The following XAB2 variants were observed in gnomAD, a reference collection of about 807,000 sequenced individuals.
XAB2 encodes the protein XPA binding protein 2.
XAB2 carries 57 observed loss-of-function variants against 113.4 expected under a neutral mutation model. That is an observed-to-expected ratio of 0.50 (90% CI 0.41 to 0.63). The LOEUF is 0.63. Ranked by LOEUF, XAB2 falls within the 20% of genes least tolerant of loss-of-function variation. The probability of loss-of-function intolerance (pLI) is 0.00; values close to 1 mark genes in which losing one functional copy is unlikely to be tolerated. For synonymous variants in XAB2, 497 were observed against 498.8 expected (o/e 1.00, Z 0.05); for missense variants, 1,037 against 1,233.3 (o/e 0.84, Z 2.38).
Position 7,628,128 on chromosome 19 carries a change from G to A in XAB2, c.200+22C>T. The A allele has an allele frequency of 6.2e-7, 1 of 1,604,570 alleles. No individual in the cohort carries two copies. Among genetic ancestry groups the A allele is most frequent in the Non-Finnish European group, 8.5e-7 (1 of 1,175,734 alleles). On this transcript the variant is annotated intron_variant, in intron 2 of 18. Transcript: ENST00000358368. The surrounding 1 kb of genome is among the most constrained non-coding windows in gnomAD (Gnocchi z 4.6). The stretch of plus-strand genomic sequence containing the variant: ...CAGGTGGGGTGGGGGCTGGTGGGCA[G>A]GGCAGCTGGAGCCATTCCCACCTGC...
rs1371532670 is a variant in XAB2, at chr19:7,620,022, G to A, written c.2320C>T (p.Gln774Ter). 1 of 1,612,534 alleles carries A rather than the reference G, an allele frequency of 6.2e-7. No individual in the cohort carries two copies. Among genetic ancestry groups the A allele is most frequent in the Non-Finnish European group, 8.5e-7 (1 of 1,179,974 alleles). Residue 774 changes from glutamine (Q) to a stop codon, truncating the protein, a stop_gained, in exon 17 of 19, where the codon CAG (glutamine) becomes TAG (stop). Transcript: ENST00000358368. LOFTEE classifies it high-confidence loss of function. ...TCAGCCGCCAGCTGCTCTGCCCGCT[G>A]TTCCAGCAGCTTCATGTCGTCCATG... ...SGMDDMKLLE[Q>*]RAEQLAAEAE...
rs769974426 is a variant in XAB2, at chr19:7,624,315, C to T, written c.953G>A (p.Gly318Glu). 9 of 1,613,888 alleles carry T rather than the reference C, an allele frequency of 5.6e-6. No individual in the cohort carries two copies. Among genetic ancestry groups the T allele is most frequent in the South Asian group, 2.2e-5 (2 of 91,088 alleles). ...CAGAGGCTCACCCTCCTCCTCGCGC[C>T]CCAGCTCCGAGGCGGTCTCCATCTT... is the stretch of plus-strand genomic sequence containing the variant. ...AAKMETASEL[G>E]REEEDDVDLE... Residue 318 changes from glycine (G) to glutamate (E), a missense_variant, in exon 7 of 19, where the codon GGG (glycine) becomes GAG (glutamate). By Grantham distance (98) the Gly-to-Glu change is moderately conservative. Coordinates refer to ENST00000358368, the MANE Select transcript of XAB2 (RefSeq NM_020196.3). The surrounding 1 kb of genome is among the most constrained non-coding windows in gnomAD (Gnocchi z 4.2).
At position 7,627,139 on chromosome 19, in the gene XAB2, T is replaced by C. The variant is rs1417225087; in HGVS notation, c.522+104A>G. The C allele has an allele frequency of 2.3e-6, 3 of 1,329,768 alleles. No individual in the cohort carries two copies. Among genetic ancestry groups the C allele is most frequent in the Non-Finnish European group, 3.1e-6 (3 of 958,400 alleles). 82.4% of individuals were successfully genotyped at this position (1,329,768 alleles called of 1,614,324 possible). A position where few individuals can be genotyped will look rare whatever the true frequency, so the allele number is the denominator to read the frequency against. On this transcript the variant is annotated intron_variant, in intron 4 of 18. Transcript: ENST00000358368. This position sits in a 1 kb window ranked among gnomAD's most constrained non-coding sequence, Gnocchi z 4.5. ...AAACACATGCATCTCCAGGAGCCTC[T>C]TCCCACATCCCGTCTGCTGGGTGAC...
In XAB2 at chr19:7,620,834, C is replaced by T. The variant is rs547164043; in HGVS notation, c.1971+12G>A. ...GACCTCTGGCCCCGGCCCAGCCCCC[C>T]ACGGTGGGTACCTCAATGGCCTTCT... is the stretch of plus-strand genomic sequence containing the variant. On this transcript the variant is annotated intron_variant, in intron 14 of 18. Coordinates refer to ENST00000358368, the MANE Select transcript of XAB2 (RefSeq NM_020196.3). 1.3e-5 allele frequency: 21 copies of T among 1,571,776 alleles called. No homozygotes were observed. The Middle Eastern group carries it at 6.8e-4, about 51-fold the overall frequency.
intron 13 of XAB2, 27 bp downstream of exon 13, chr19:7,621,108 C>T (rs765691819): frequency 3.3e-6 from 5 of 1,536,620 alleles, no homozygotes; most frequent in African/African-American, 2.7e-5. Flanking sequence ...CGCCCGCCAC[C>T]CCCCCCATGC....
chr19:7,621,750 TC>T, intron 12 of XAB2: 1 of 186,170 alleles, frequency 5.4e-6, no homozygotes. Flanking sequence ...GACATGGCCT[TC>T]CCACGGACAC....
chr19:7,624,365 C>T lies in XAB2; in HGVS notation c.903G>A (p.Gln301=). The T allele has an allele frequency of 6.2e-7, 1 of 1,614,210 alleles. No homozygotes were observed. The highest frequency in any genetic ancestry group is 1.1e-5 in the South Asian group (1 of 91,092). ...DFTQVFDSYA[Q]FEESMIAAKM... ...TTGCAGCGATCATGCTCTCCTCGAA[C>T]TGGGCGTAGCTGTCAAACACCTGTG... The change falls in exon 7 of 19, where the codon CAG becomes CAA. Residue 301 remains glutamine, a synonymous_variant. Transcript: ENST00000358368. This position sits in a 1 kb window ranked among gnomAD's most constrained non-coding sequence, Gnocchi z 4.2.
Position 7,621,411 on chromosome 19 carries a change from TTCCCTGTCCACGCC to T in XAB2, c.1618-128_1618-115del, listed in dbSNP as rs2031031683. 3.3e-6 allele frequency: 4 copies of T among 1,223,950 alleles called. No homozygotes were observed. The South Asian group carries it at 5.4e-5, about 17-fold the overall frequency. The allele number at this position is 1,223,950 out of a possible 1,614,324, so 75.8% of individuals were successfully genotyped here. On this transcript the variant is annotated intron_variant, in intron 12 of 18. Coordinates refer to ENST00000358368, the MANE Select transcript of XAB2 (RefSeq NM_020196.3). The stretch of plus-strand genomic sequence containing the variant: ...CCTGCCAGGAACTCCCTTGGGGCCC[TTCCCTGTCCACGCC>T]TCCCTGTCCCTAATGGCAGTTGTGG...
chr19:7,621,167 G>A lies in XAB2; in HGVS notation c.1748C>T (p.Ala583Val), dbSNP rs1599370443. ...ATATTTTGGGGGGCAGCCGTCCAGA[G>A]CCTGTTCAAACAGGTCCCGTGCCCG... is the stretch of plus-strand genomic sequence containing the variant. Reference protein sequence around the residue: ...LERARDLFEQALDGCPPKYAK... With the variant: ...LERARDLFEQVLDGCPPKYAK... The change falls in exon 13 of 19, where the codon GCT becomes GTT. Residue 583 changes from alanine to valine, a missense_variant. Physicochemically the swap from Ala to Val is moderately conservative, Grantham distance 64. Transcript: ENST00000358368. The A allele has an allele frequency of 6.2e-7, 1 of 1,610,762 alleles. No individual in the cohort carries two copies. Among genetic ancestry groups the A allele is most frequent in the Non-Finnish European group, 8.5e-7 (1 of 1,179,256 alleles).
intron 12 of XAB2, 156 bp from the exon 13 acceptor site, chr19:7,621,453 G>A (rs982373484): frequency 1.4e-5 from 11 of 769,602 alleles, no homozygotes; most frequent in Non-Finnish European, 2.3e-5. Flanking sequence ...AGTTGTGGGG[G>A]TCTGTCCTCT....
intron 12 of XAB2, 149 bp from the exon 13 acceptor site, chr19:7,621,446 T>G (rs2031032172): frequency 2.5e-6 from 2 of 802,836 alleles, no homozygotes; most frequent in Non-Finnish European, 4.0e-6. Flanking sequence ...TAATGGCAGT[T>G]GTGGGGGTCT....
Position 7,624,197 on chromosome 19 carries a change from C to T in XAB2, c.967+104G>A, listed in dbSNP as rs1255946719. 8 of 1,560,510 alleles carry T rather than the reference C, an allele frequency of 5.1e-6. No individual in the cohort carries two copies. Among genetic ancestry groups the T allele is most frequent in the Non-Finnish European group, 6.9e-6 (8 of 1,152,624 alleles). ...CACTCAGCCTCCTTCCCTGCTGGCC[C>T]CCAGCTGAGCCTCCCAGGGCTGCCT... On this transcript the variant is annotated intron_variant, in intron 7 of 18. Coordinates refer to ENST00000358368, the MANE Select transcript of XAB2 (RefSeq NM_020196.3). The surrounding 1 kb of genome is among the most constrained non-coding windows in gnomAD (Gnocchi z 4.2).
rs376174371 is a variant in XAB2 at position 7,622,327 on chromosome 19, T to G, written c.1617+4A>C. 4 of 1,614,060 alleles carry G rather than the reference T, an allele frequency of 2.5e-6. No homozygotes were observed. The South Asian group carries it at 3.3e-5, about 13-fold the overall frequency. ...GGGCCTCTGGGTCCACCCTAGCCCC[T>G]CACCTTGAAGCTCTCCTCGAAGTAC... is the stretch of plus-strand genomic sequence containing the variant. On this transcript the variant is annotated splice_donor_region_variant and intron_variant, in intron 12 of 18. Coordinates refer to ENST00000358368, the MANE Select transcript of XAB2 (RefSeq NM_020196.3).
rs1405398545 is a variant in XAB2 at position 7,623,302 on chromosome 19, GGGA to G, written c.1120-16_1120-14del. The G allele has an allele frequency of 9.9e-6, 16 of 1,613,056 alleles. No homozygotes were observed. The highest frequency in any genetic ancestry group is 1.1e-5 in the Non-Finnish European group (13 of 1,179,934). On this transcript the variant is annotated splice_polypyrimidine_tract_variant and intron_variant, in intron 8 of 18. Transcript: ENST00000358368. The surrounding 1 kb of genome is among the most constrained non-coding windows in gnomAD (Gnocchi z 4.6). Reference sequence around the variant, plus strand: ...AGGTGTTGATGATCTGGGGACAGGAGGGAGGAGGTCATATAGGACTCAGGACCC... The same window carrying G: ...AGGTGTTGATGATCTGGGGACAGGAGGGAGGTCATATAGGACTCAGGACCC...
intron 11 of XAB2, 38 bp downstream of exon 11, chr19:7,622,492 T>C (rs565863506): frequency 6.2e-7 from 1 of 1,613,512 alleles, no homozygotes; most frequent in Non-Finnish European, 8.5e-7. Context: ...TGGAGCTGAG[T>C]CCGGGGCCCC....
rs1282181465 is a variant in XAB2, at chr19:7,624,073, C to G, written c.968-191G>C. Among the ~76,000 whole-genome samples, 2 of 151,526 alleles carry G rather than the reference C, an allele frequency of 1.3e-5. No homozygotes were observed. The highest frequency in any genetic ancestry group is 3.0e-5 in the Non-Finnish European group (2 of 67,778). On this transcript the variant is annotated intron_variant, in intron 7 of 18. Transcript: ENST00000358368. The surrounding 1 kb of genome is among the most constrained non-coding windows in gnomAD (Gnocchi z 4.2). ...GTACTGTGGATACCCCCTCCTACCC[C>G]CACTGTTCCCCTAGCCCTCCTGCCC...
rs1162340551 is a variant in XAB2 at position 7,623,960 on chromosome 19, C to A, written c.968-78G>T. ...CGGATGCCACCGCCTCCACTCCCCA[C>A]CCTCACTCCGCTCCAGCCCCCAGCC... is the stretch of plus-strand genomic sequence containing the variant. On this transcript the variant is annotated intron_variant, in intron 7 of 18. Coordinates refer to ENST00000358368, the MANE Select transcript of XAB2 (RefSeq NM_020196.3). The surrounding 1 kb of genome is among the most constrained non-coding windows in gnomAD (Gnocchi z 4.6). 2.1e-6 allele frequency: 3 copies of A among 1,451,764 alleles called. No individual in the cohort carries two copies. Among genetic ancestry groups the A allele is most frequent in the Non-Finnish European group, 2.7e-6 (3 of 1,095,532 alleles). 89.9% of individuals were successfully genotyped at this position (1,451,764 alleles called of 1,614,324 possible). A position where few individuals can be genotyped will look rare whatever the true frequency, so the allele number is the denominator to read the frequency against.
chr19:7,624,429 T>G lies in XAB2; in HGVS notation c.839A>C (p.Glu280Ala). The part of the protein sequence containing the change: ...GHFEKARDVY[E>A]EAIRTVMTVR... ...GGTCATCACTGTCCGGATGGCCTCC[T>G]CGTACACGTCCCGAGCCTGTGGGGA... The change falls in exon 7 of 19, where the codon GAG (glutamate) becomes GCG (alanine). Residue 280 changes from glutamate (E) to alanine (A), a missense_variant. Transcript: ENST00000358368. This position sits in a 1 kb window ranked among gnomAD's most constrained non-coding sequence, Gnocchi z 4.2. 1 of 1,614,080 alleles carries G rather than the reference T, an allele frequency of 6.2e-7. No individual in the cohort carries two copies. The highest frequency in any genetic ancestry group is 8.5e-7 in the Non-Finnish European group (1 of 1,179,982).
In XAB2 at chr19:7,620,106, C is replaced by T. The variant is rs372963419; in HGVS notation, c.2267-31G>A. ...GGGTGGGAGCAGGGGGTCAGCGCCA[C>T]GGGGGCCCCTCCCACACATCGGACG... On this transcript the variant is annotated intron_variant, in intron 16 of 18. Coordinates refer to ENST00000358368, the MANE Select transcript of XAB2 (RefSeq NM_020196.3). 1.1e-5 allele frequency: 18 copies of T among 1,605,406 alleles called. No individual in the cohort carries two copies. In the Admixed American group the frequency reaches 1.2e-4, roughly 10 times the overall value.
Sources: gnomAD v4.1 joint callset for allele counts (sites outside exome capture counted in the v4.1 genomes callset) on GRCh38, gnomAD v4.1.1 for gene constraint, Gnocchi (gnomAD v3.1) non-coding constraint, MANE v1.5 for transcripts, NCBI Gene and HGNC (gene_info 2026-07-23, HGNC 2026-07-21) for gene names.